Variants in REEP5 observed in about 807,000 individuals in gnomAD.
REEP5 encodes the protein receptor accessory protein 5.
REEP5 carries 24 observed loss-of-function variants against 22.4 expected under a neutral mutation model. That is an observed-to-expected ratio of 1.07 (90% CI 0.78 to 1.51). REEP5 has a LOEUF of 1.51. Among genes scored for constraint, REEP5 ranks in the 40% most tolerant of loss-of-function variants. REEP5 has a pLI of 0.00. For synonymous variants in REEP5, 103 were observed against 88.6 expected (o/e 1.16, Z -0.92); for missense variants, 252 against 233.0 (o/e 1.08, Z -0.53).
intron 2 of REEP5, 81 bp downstream of exon 2, chr5:112,921,082 G>T (rs377580681): frequency 1.5e-6 from 2 of 1,341,500 alleles, no homozygotes; most frequent in Non-Finnish European, 2.1e-6. Flanking sequence ...CCCGGGAATT[G>T]CGGATGTGCA....
chr5:112,917,539 C>T (rs1769258552), intron 2 of REEP5, among the ~76,000 whole-genome samples: 1 of 152,184 alleles, frequency 6.6e-6, no homozygotes, highest in Non-Finnish European at 1.5e-5. Flanking sequence ...AAACCTTCCC[C>T]TTTCCTTAAA....
At chr5:112,893,297 C>T (rs1768559996) in intron 3 of REEP5, 2 of 241,612 alleles carry the variant, frequency 8.3e-6, no homozygotes. Flanking sequence ...GTAATCCAAG[C>T]TACTTGGGAA....
chr5:112,901,169 A>G (rs961578891), intron 3 of REEP5, among the ~76,000 whole-genome samples: 2 of 152,164 alleles, frequency 1.3e-5, no homozygotes, highest in Non-Finnish European at 1.5e-5. Flanking sequence ...AAACAACACA[A>G]TCAACTACAA....
rs370801690 is a variant in REEP5 at position 112,902,448 on chromosome 5, C to T, written c.283G>A (p.Val95Met). 3.4e-5 allele frequency: 55 copies of T among 1,613,302 alleles called. No individual in the cohort carries two copies. The highest frequency in any genetic ancestry group is 4.2e-5 in the Non-Finnish European group (50 of 1,179,722). ...GAGAAGAATTCAGCAATGCTGAACA[C>T]ACCATACACTACCCAGTAGGTCAGC... is the stretch of plus-strand genomic sequence containing the variant. ...QWLTYWVVYG[V>M]FSIAEFFSDI... Residue 95 changes from valine to methionine, a missense_variant, in exon 3 of 5, where the codon GTG becomes ATG. By Grantham distance (21) the Val-to-Met change is conservative (BLOSUM62 1). Transcript: ENST00000379638.
chr5:112,919,826 C>G (rs777106000), intron 2 of REEP5, among the ~76,000 whole-genome samples: 150 of 152,148 alleles, frequency 9.9e-4, no homozygotes, highest in Non-Finnish European at 2.6e-4. Flanking sequence ...TTTGTTATAG[C>G]AGCCCAAGCA....
At chr5:112,880,168 T>G (rs1362090255) in intron 4 of REEP5, among the ~76,000 whole-genome samples, 1 of 152,134 alleles carries the variant, frequency 6.6e-6, no homozygotes, top group Non-Finnish European at 1.5e-5. Context: ...CCCAGAGCTT[T>G]GAGAGGCTGA....
chr5:112,909,150 A>G (rs899633766), intron 2 of REEP5, among the ~76,000 whole-genome samples: 1 of 150,430 alleles, frequency 6.6e-6, no homozygotes, highest in Non-Finnish European at 1.5e-5. Context: ...CTTAGTTTGT[A>G]GCTCTGTATT....
Position 112,877,269 on chromosome 5 carries a change from C to CTGAT in REEP5, c.*1513_*1516dup, listed in dbSNP as rs1016502580. On this transcript the variant is annotated 3_prime_UTR_variant, in exon 5 of 5. Coordinates refer to ENST00000379638, the MANE Select transcript of REEP5 (RefSeq NM_005669.5). ...TCATGAGACATTGTTATGATCTTACCTGATTGTTATCTCAAGGTGAGCTAA... is the reference window on the plus strand; with the variant it reads ...TCATGAGACATTGTTATGATCTTACCTGATTGATTGTTATCTCAAGGTGAGCTAA... 7.2e-5 allele frequency: 11 copies of CTGAT among 152,190 alleles called. No homozygotes were observed. The highest frequency in any genetic ancestry group is 3.9e-4 in the East Asian group (2 of 5,186). 9.4% of individuals were successfully genotyped at this position (152,190 alleles called of 1,614,324 possible). A position where few individuals can be genotyped will look rare whatever the true frequency, so the allele number is the denominator to read the frequency against.
At chr5:112,886,171 G>T (rs1441429759) in intron 4 of REEP5, among the ~76,000 whole-genome samples, 2 of 152,226 alleles carry the variant, frequency 1.3e-5, no homozygotes, top group African/African-American at 4.8e-5. Context: ...AGAGAAGCCT[G>T]CCTGCGCTTC....
chr5:112,892,954 G>A (rs1554093613), intron 3 of REEP5: 1 of 1,596,252 alleles, frequency 6.3e-7, no homozygotes, highest in African/African-American at 1.3e-5. Context: ...CTGGGACCAG[G>A]GCCGCCGGAG....
chr5:112,891,969 A>G (rs1213462397), intron 3 of REEP5: 12 of 1,237,282 alleles, frequency 9.7e-6, no homozygotes, highest in Admixed American at 3.4e-5. Context: ...AACAAGAGAG[A>G]AAGTTAAAGG....
In REEP5 at chr5:112,877,286, G is replaced by T. The variant is rs1234883868; in HGVS notation, c.*1500C>A. On this transcript the variant is annotated 3_prime_UTR_variant, in exon 5 of 5. Coordinates refer to ENST00000379638, the MANE Select transcript of REEP5 (RefSeq NM_005669.5). ...GATCTTACCTGATTGTTATCTCAAG[G>T]TGAGCTAATCATCTTTATTTGCCTT... 1 of 152,024 alleles carries T rather than the reference G, an allele frequency of 6.6e-6. No individual in the cohort carries two copies. The highest frequency in any genetic ancestry group is 1.5e-5 in the Non-Finnish European group (1 of 68,000). The allele number at this position is 152,024 out of a possible 1,614,324, so 9.4% of individuals were successfully genotyped here.
chr5:112,897,298 C>G, intron 3 of REEP5: 1 of 148,076 alleles, frequency 6.8e-6, no homozygotes, highest in East Asian at 2.0e-4. Flanking sequence ...GAAGACTACT[C>G]TAAGATGTAG....
At chr5:112,888,790 G>A (rs10043337) in intron 3 of REEP5, among the ~76,000 whole-genome samples, 3,180 of 150,898 alleles carry the variant, frequency 0.021, 296 homozygotes, top group African/African-American at 0.075. Context: ...GGAGGCCAAG[G>A]TGCAAGGATT....
chr5:112,907,837 A>G (rs1324745941), intron 2 of REEP5, among the ~76,000 whole-genome samples: 3 of 152,210 alleles, frequency 2.0e-5, no homozygotes, highest in East Asian at 3.8e-4. Context: ...TGACAGGGAA[A>G]GATGTCCAAG....
intron 1 of REEP5, 24 bp from the exon 2 acceptor site, chr5:112,921,280 G>T: frequency 6.2e-7 from 1 of 1,610,850 alleles, no homozygotes; most frequent in Non-Finnish European, 8.5e-7. Flanking sequence ...GGAGAGAAGT[G>T]GGTCGGGCAG....
chr5:112,901,808 C>T (rs143640277), intron 3 of REEP5, among the ~76,000 whole-genome samples: 2 of 150,818 alleles, frequency 1.3e-5, no homozygotes, highest in Non-Finnish European at 3.0e-5. Context: ...ACTAAAAATA[C>T]AAAAATTAGC....
chr5:112,879,373 G>A (rs1268301519), intron 4 of REEP5, among the ~76,000 whole-genome samples: 4 of 151,872 alleles, frequency 2.6e-5, no homozygotes, highest in Non-Finnish European at 4.4e-5. Flanking sequence ...TTAGTTCCAG[G>A]AACCCTACAG....
chr5:112,897,428 T>G (rs1768726394), intron 3 of REEP5: 2 of 151,968 alleles, frequency 1.3e-5, no homozygotes, highest in Non-Finnish European at 2.9e-5. Flanking sequence ...GGACTTTGTT[T>G]TATTCGCCAA....
Sources: gnomAD v4.1 joint callset for allele counts (sites outside exome capture counted in the v4.1 genomes callset) on GRCh38, gnomAD v4.1.1 for gene constraint, MANE v1.5 for transcripts, NCBI Gene and HGNC (gene_info 2026-07-23, HGNC 2026-07-21) for gene names.